The following FBXO2 variants were observed in gnomAD, a reference collection of about 807,000 sequenced individuals.
FBXO2 encodes the protein F-box only protein 2.
Under a neutral mutation model 38.6 loss-of-function variants are expected in FBXO2, and 32 were observed. The observed-to-expected ratio is 0.83, with a 90% CI of 0.62 to 1.11. The LOEUF (loss-of-function observed/expected upper bound fraction) is 1.11, where lower values mean the gene tolerates loss of function less well. Among genes scored for constraint, FBXO2 ranks in the 50% most tolerant of loss-of-function variants. The pLI is 0.00. For missense variants in FBXO2, 450 were observed against 418.3 expected (o/e 1.08, Z -0.66); for synonymous variants, 189 against 182.9 (o/e 1.03, Z -0.27).
At position 11,650,680 on chromosome 1, in the gene FBXO2, C is replaced by T. The variant is rs1276489543; in HGVS notation, c.177G>A (p.Leu59=). Residue 59 remains leucine, a synonymous_variant, in exon 2 of 6, where the codon CTG becomes CTA. Coordinates refer to ENST00000354287, the MANE Select transcript of FBXO2 (RefSeq NM_012168.6). Reference sequence around the variant, plus strand: ...CCAGCTCGGCGGCCGGCAGTGCGGCCAGCACGCGCAGCAGCAGCGGCTCGG... The same window carrying T: ...CCAGCTCGGCGGCCGGCAGTGCGGCTAGCACGCGCAGCAGCAGCGGCTCGG... ...ELPEPLLLRV[L]AALPAAELVQ... The T allele has an allele frequency of 3.3e-6, 5 of 1,536,992 alleles. No individual in the cohort carries two copies. The highest frequency in any genetic ancestry group is 2.8e-5 in the African/African-American group (2 of 72,438).
At chr1:11,651,994 C>T (rs1264813409) in intron 1 of FBXO2, among the ~76,000 whole-genome samples, 3 of 152,204 alleles carry the variant, frequency 2.0e-5, no homozygotes, top group East Asian at 1.9e-4. Context: ...CCACCACGCC[C>T]GGCTGACTTT....
Position 11,654,360 on chromosome 1 carries a change from G to T in FBXO2, c.-20C>A. 7.1e-7 allele frequency: 1 copy of T among 1,416,886 alleles called. No individual in the cohort carries two copies. The highest frequency in any genetic ancestry group is 9.2e-7 in the Non-Finnish European group (1 of 1,089,672). 87.8% of individuals were successfully genotyped at this position (1,416,886 alleles called of 1,614,324 possible). The stretch of plus-strand genomic sequence containing the variant: ...GTCCATCGCTGCGGAGGGCGGTCGC[G>T]AGAGGAGGAGCCGGAGCGCTGCGGG... On this transcript the variant is annotated 5_prime_UTR_variant, in exon 1 of 6. Transcript: ENST00000354287.
chr1:11,650,518 G>A lies in FBXO2; in HGVS notation c.339C>T (p.Phe113=). ...VEEERDHWQQ[F]YFLSKRRRNL... is the part of the protein sequence containing the mutation. Reference sequence around the variant, plus strand: ...TGCGGCGCCGCTTGCTCAGGAAGTAGAACTGCTGCCAGTGGTCGCGCTCCT... The same window carrying A: ...TGCGGCGCCGCTTGCTCAGGAAGTAAAACTGCTGCCAGTGGTCGCGCTCCT... The change falls in exon 2 of 6, where the codon TTC becomes TTT. Residue 113 remains phenylalanine (F), a synonymous_variant. Transcript: ENST00000354287. 1.9e-6 allele frequency: 3 copies of A among 1,606,702 alleles called. No homozygotes were observed. Among genetic ancestry groups the A allele is most frequent in the South Asian group, 1.1e-5 (1 of 89,594 alleles).
intron 1 of FBXO2, 38 bp downstream of exon 1, chr1:11,654,281 C>T (rs977189434): frequency 6.7e-7 from 1 of 1,488,210 alleles, no homozygotes; most frequent in Non-Finnish European, 8.9e-7. Context: ...ACCCCATCTC[C>T]CCTCCCCGCC....
rs1553163895 is a variant in FBXO2, at chr1:11,650,722, C to CG, written c.134dup (p.Tyr46ValfsTer81). 1.1e-5 allele frequency: 17 copies of CG among 1,526,350 alleles called. No individual in the cohort carries two copies. Among genetic ancestry groups the CG allele is most frequent in the South Asian group, 8.4e-5 (7 of 83,376 alleles). 94.6% of individuals were successfully genotyped at this position (1,526,350 alleles called of 1,614,324 possible). On this transcript the variant is annotated frameshift_variant, in exon 2 of 6. Coordinates refer to ENST00000354287, the MANE Select transcript of FBXO2 (RefSeq NM_012168.6). LOFTEE classifies it high-confidence loss of function. ...GCGGCTCGGGCAGCTCGTCCAGGTA[C>CG]GCGGCGGCGGCCGCCGCCTCCTCCT...
chr1:11,650,729 G>GCGT lies in FBXO2; in HGVS notation c.127_128insACG (p.Ala42_Ala43insAsp), dbSNP rs751222805. The GCGT allele has an allele frequency of 1.3e-6, 2 of 1,529,052 alleles. No individual in the cohort carries two copies. Among genetic ancestry groups the GCGT allele is most frequent in the Middle Eastern group, 2.1e-4 (1 of 4,828 alleles). 94.7% of individuals were successfully genotyped at this position (1,529,052 alleles called of 1,614,324 possible). A position where few individuals can be genotyped will look rare whatever the true frequency, so the allele number is the denominator to read the frequency against. On this transcript the variant is annotated inframe_insertion, in exon 2 of 6. Coordinates refer to ENST00000354287, the MANE Select transcript of FBXO2 (RefSeq NM_012168.6). ...GGGCAGCTCGTCCAGGTACGCGGCG[G>GCGT]CGGCCGCCGCCTCCTCCTCCTGCTG...
rs1439926028 is a variant in FBXO2, at chr1:11,648,655, C to A, written c.*39G>T. On this transcript the variant is annotated 3_prime_UTR_variant, in exon 6 of 6. Transcript: ENST00000354287. The surrounding 1 kb of genome is among the most constrained non-coding windows in gnomAD (Gnocchi z 4.2). Reference sequence around the variant, plus strand: ...AAGGCCTATCTACCCTCGACCTTTGCCCCTCCAGGCAGCTGGGGGAGAGTG... The same window carrying A: ...AAGGCCTATCTACCCTCGACCTTTGACCCTCCAGGCAGCTGGGGGAGAGTG... 6.2e-7 allele frequency: 1 copy of A among 1,606,932 alleles called. No homozygotes were observed. The highest frequency in any genetic ancestry group is 1.3e-5 in the African/African-American group (1 of 74,936).
chr1:11,651,532 G>T (rs3117061), intron 1 of FBXO2, among the ~76,000 whole-genome samples: 87,155 of 151,890 alleles, frequency 0.57, 26,504 homozygotes, highest in African/African-American at 0.77. Context: ...TGTTCTTATT[G>T]CATTGATGAG....
rs767723833 is a variant in FBXO2, at chr1:11,650,804, G to C, written c.53C>G (p.Pro18Arg). 24 of 1,541,820 alleles carry C rather than the reference G, an allele frequency of 1.6e-5. No individual in the cohort carries two copies. The East Asian group carries it at 5.6e-4, about 36-fold the overall frequency. The change falls in exon 2 of 6, where the codon CCG becomes CGG. Residue 18 changes from proline (P) to arginine (R), a missense_variant. Coordinates refer to ENST00000354287, the MANE Select transcript of FBXO2 (RefSeq NM_012168.6). ...ACTCGCCTCCTCTGGCTGCTCCTCCGGGCTTGCCTCCTCGGGCTGGCCCAC... is the reference window on the plus strand; with the variant it reads ...ACTCGCCTCCTCTGGCTGCTCCTCCCGGCTTGCCTCCTCGGGCTGGCCCAC... ...ESVGQPEEAS[P>R]EEQPEEASAE... is the part of the protein sequence containing the mutation.
At chr1:11,650,914 A>C in intron 1 of FBXO2, 80 bp from the exon 2 acceptor site, 1 of 1,483,520 alleles carries the variant, frequency 6.7e-7, no homozygotes, top group Non-Finnish European at 8.9e-7. Flanking sequence ...TGTGCCCGTA[A>C]CCTCCCCCAC....
chr1:11,650,161 G>T lies in FBXO2; in HGVS notation c.392-87C>A, dbSNP rs527416202. 46 of 1,563,994 alleles carry T rather than the reference G, an allele frequency of 2.9e-5. No homozygotes were observed. In the African/African-American group the frequency reaches 6.2e-4, roughly 21 times the overall value. ...CTATGTGGTGGGGGGCAGGGCAAAG[G>T]TCGCACTTGGTGTCTTGGTGGGCAG... On this transcript the variant is annotated intron_variant, in intron 2 of 5. Coordinates refer to ENST00000354287, the MANE Select transcript of FBXO2 (RefSeq NM_012168.6).
chr1:11,649,207 G>A lies in FBXO2; in HGVS notation c.636C>T (p.Asp212=), dbSNP rs766596532. 27 of 1,550,694 alleles carry A rather than the reference G, an allele frequency of 1.7e-5. No individual in the cohort carries two copies. Among genetic ancestry groups the A allele is most frequent in the East Asian group, 7.3e-5 (3 of 40,944 alleles). Residue 212 remains aspartate (D), a synonymous_variant, in exon 5 of 6, where the codon GAC becomes GAT. Coordinates refer to ENST00000354287, the MANE Select transcript of FBXO2 (RefSeq NM_012168.6). ...CGGTGAGCTCGTAGAGGCAACCAGCGTCGCTGCGGCCCGAGTACCTGCTCA... is the reference window on the plus strand; with the variant it reads ...CGGTGAGCTCGTAGAGGCAACCAGCATCGCTGCGGCCCGAGTACCTGCTCA... ...VVKDWYSGRS[D]AGCLYELTVK...
In FBXO2 at chr1:11,648,673, G is replaced by A. The variant is rs778955384; in HGVS notation, c.*21C>T. ...ACCTTTGCCCCTCCAGGCAGCTGGG[G>A]GAGAGTGGAGGCAGGGTCGCTCAGG... On this transcript the variant is annotated 3_prime_UTR_variant, in exon 6 of 6. Transcript: ENST00000354287. The surrounding 1 kb of genome is among the most constrained non-coding windows in gnomAD (Gnocchi z 4.2). The A allele has an allele frequency of 6.2e-7, 1 of 1,612,152 alleles. No individual in the cohort carries two copies. The highest frequency in any genetic ancestry group is 8.5e-7 in the Non-Finnish European group (1 of 1,179,114).
chr1:11,648,647 G>C lies in FBXO2; in HGVS notation c.*47C>G, dbSNP rs563523547. 4 of 1,604,244 alleles carry C rather than the reference G, an allele frequency of 2.5e-6. No homozygotes were observed. Among genetic ancestry groups the C allele is most frequent in the African/African-American group, 2.7e-5 (2 of 74,814 alleles). Reference sequence around the variant, plus strand: ...ACTAAGTTAAGGCCTATCTACCCTCGACCTTTGCCCCTCCAGGCAGCTGGG... The same window carrying C: ...ACTAAGTTAAGGCCTATCTACCCTCCACCTTTGCCCCTCCAGGCAGCTGGG... On this transcript the variant is annotated 3_prime_UTR_variant, in exon 6 of 6. Coordinates refer to ENST00000354287, the MANE Select transcript of FBXO2 (RefSeq NM_012168.6). The surrounding 1 kb of genome is among the most constrained non-coding windows in gnomAD (Gnocchi z 4.2).
intron 4 of FBXO2, 198 bp from the exon 5 acceptor site, chr1:11,649,423 C>A: frequency 1.6e-6 from 1 of 610,858 alleles, no homozygotes; most frequent in South Asian, 2.0e-5. Context: ...TGACAGCCCA[C>A]GAGCGAAACA....
At chr1:11,653,653 C>T (rs1639585728) in intron 1 of FBXO2, 2 of 152,334 alleles carry the variant, frequency 1.3e-5, no homozygotes, top group Non-Finnish European at 2.9e-5. Context: ...TGTCTGCAGG[C>T]AGGTCTTGTT....
In FBXO2 at chr1:11,654,359, C is replaced by G. The variant is rs895013907; in HGVS notation, c.-19G>C. On this transcript the variant is annotated 5_prime_UTR_variant, in exon 1 of 6. Coordinates refer to ENST00000354287, the MANE Select transcript of FBXO2 (RefSeq NM_012168.6). ...CGTCCATCGCTGCGGAGGGCGGTCG[C>G]GAGAGGAGGAGCCGGAGCGCTGCGG... The G allele has an allele frequency of 1.4e-6, 2 of 1,418,248 alleles. No homozygotes were observed. Among genetic ancestry groups the G allele is most frequent in the African/African-American group, 3.0e-5 (2 of 66,402 alleles). The allele number at this position is 1,418,248 out of a possible 1,614,324, so 87.9% of individuals were successfully genotyped here.
chr1:11,649,506 G>A (rs1639477197), intron 4 of FBXO2: 1 of 587,618 alleles, frequency 1.7e-6, no homozygotes, highest in Non-Finnish European at 3.0e-6. Flanking sequence ...CCTTTGGTTT[G>A]GACCGCAGAC....
intron 1 of FBXO2, among the ~76,000 whole-genome samples, chr1:11,652,987 ATTTAC>A (rs1464724381): frequency 6.6e-6 from 1 of 152,064 alleles, no homozygotes; most frequent in Non-Finnish European, 1.5e-5. Context: ...TGATGTGGGG[ATTTAC>A]ACCGGCCCCT....
Sources: allele counts gnomAD v4.1 joint callset (sites outside exome capture counted in the v4.1 genomes callset), GRCh38; gene constraint gnomAD v4.1.1; non-coding constraint Gnocchi (gnomAD v3.1); transcripts MANE v1.5; gene names NCBI Gene and HGNC (gene_info 2026-07-23, HGNC 2026-07-21).